Variants in KAZN observed in about 807,000 individuals in gnomAD.
KAZN encodes kazrin.
A neutral mutation model predicts 87.4 loss-of-function variants in KAZN; 40 were observed. The observed-to-expected ratio is 0.46, with a 90% confidence interval of 0.36 to 0.60. KAZN has a LOEUF of 0.60. Ranked by LOEUF, KAZN falls within the 20% of genes least tolerant of loss-of-function variation. KAZN has a pLI of 0.00. For synonymous variants in KAZN, 466 were observed against 458.3 expected (o/e 1.02, Z -0.22); for missense variants, 898 against 1,073.9 (o/e 0.84, Z 2.29).
rs371743970 is a variant in KAZN, at chr1:14,047,672, A to G, written c.92-132763A>G. ...CACTTGAGGTCAGGAGCTTGAGACC[A>G]GCCTGGCCAACATGGTGAAACCCCG... On this transcript the variant is annotated intron_variant, in intron 1 of 16. Transcript: ENST00000636203. 3.3e-5 allele frequency among the ~76,000 whole-genome samples: 5 copies of G among 152,308 alleles called. No individual in the cohort carries two copies. In the East Asian group the frequency reaches 9.7e-4, roughly 29 times the overall value.
intron 1 of KAZN, among the ~76,000 whole-genome samples, chr1:14,864,408 C>A (rs1173540366): frequency 3.3e-5 from 5 of 152,090 alleles, no homozygotes; most frequent in Non-Finnish European, 5.9e-5. Flanking sequence ...ACTAAAACTA[C>A]AAAAATTAGC....
intron 2 of KAZN, among the ~76,000 whole-genome samples, chr1:14,995,299 G>C (rs1182131248): frequency 6.6e-6 from 1 of 152,202 alleles, no homozygotes; most frequent in Non-Finnish European, 1.5e-5. Context: ...CCACATCCCG[G>C]TTCTCTTAGA....
intron 1 of KAZN, among the ~76,000 whole-genome samples, chr1:14,959,019 C>T (rs1389610115): frequency 6.6e-6 from 1 of 152,250 alleles, no homozygotes; most frequent in Non-Finnish European, 1.5e-5. Context: ...CTGGGCCTTA[C>T]AGCCAGCCTG....
chr1:13,915,485 G>A (rs1219692146), intron 1 of KAZN, among the ~76,000 whole-genome samples: 2 of 152,188 alleles, frequency 1.3e-5, no homozygotes, highest in East Asian at 1.9e-4. Flanking sequence ...GCCCATGAAC[G>A]TCATAATATG....
chr1:15,070,400 G>A (rs1639453276), intron 8 of KAZN, among the ~76,000 whole-genome samples: 1 of 152,208 alleles, frequency 6.6e-6, no homozygotes, highest in African/African-American at 2.4e-5. Context: ...TCCTCTTCCT[G>A]GCTAAGTCAG....
intron 2 of KAZN, among the ~76,000 whole-genome samples, chr1:14,505,262 C>A (rs576233745): frequency 6.6e-6 from 1 of 152,260 alleles, no homozygotes; most frequent in Non-Finnish European, 1.5e-5. Flanking sequence ...ACAAATCAAC[C>A]GTGGCCAGGA....
At chr1:13,931,149 G>C (rs1012220327) in intron 1 of KAZN, among the ~76,000 whole-genome samples, 3 of 152,206 alleles carry the variant, frequency 2.0e-5, no homozygotes, top group Non-Finnish European at 4.4e-5. Context: ...CTCTGTTCAT[G>C]CTGGAAGAAT....
intron 1 of KAZN, among the ~76,000 whole-genome samples, chr1:14,935,805 C>T (rs1252529745): frequency 6.6e-6 from 1 of 152,162 alleles, no homozygotes; most frequent in Non-Finnish European, 1.5e-5. Context: ...CTGCCTTTCA[C>T]AAGGGCCTTC....
intron 1 of KAZN, among the ~76,000 whole-genome samples, chr1:13,948,334 GT>G (rs1641220823): frequency 6.6e-6 from 1 of 152,148 alleles, no homozygotes; most frequent in South Asian, 2.1e-4. Flanking sequence ...TCCCTATGCT[GT>G]TCCCCTGATA....
At chr1:14,654,918 T>A (rs7530665) in intron 1 of KAZN, among the ~76,000 whole-genome samples, 91,743 of 152,030 alleles carry the variant, frequency 0.6, 27,919 homozygotes, top group African/African-American at 0.66. Flanking sequence ...TTAAAGCAAC[T>A]GGGGGATTCT....
intron 1 of KAZN, among the ~76,000 whole-genome samples, chr1:14,045,869 C>G (rs1365638493): frequency 6.6e-6 from 1 of 152,142 alleles, no homozygotes; most frequent in Non-Finnish European, 1.5e-5. Context: ...CCTGTACTAC[C>G]ACTACAGCTA....
Position 14,227,293 on chromosome 1 carries a change from G to A in KAZN, c.249+46701G>A, listed in dbSNP as rs1647376238. On this transcript the variant is annotated intron_variant, in intron 2 of 16. Transcript: ENST00000636203. ...ATTTTATGATGCTTTTGGATCCTAT[G>A]GGTCAGGAATTCAGAAGGAGCACAG... 2.0e-5 allele frequency among the ~76,000 whole-genome samples: 3 copies of A among 152,100 alleles called. No homozygotes were observed. In the South Asian group the frequency reaches 6.2e-4, roughly 32 times the overall value.
At chr1:14,018,079 G>A (rs1640653412) in intron 1 of KAZN, among the ~76,000 whole-genome samples, 1 of 152,118 alleles carries the variant, frequency 6.6e-6, no homozygotes, top group Admixed American at 6.5e-5. Flanking sequence ...GGAACCTGAG[G>A]CACAGAGAGA....
At chr1:14,859,206 G>A (rs1650543487) in intron 1 of KAZN, among the ~76,000 whole-genome samples, 2 of 145,604 alleles carry the variant, frequency 1.4e-5, no homozygotes. Context: ...GCGAGACCCC[G>A]TCTCAAAAAA....
At chr1:14,931,054 G>A (rs532781181) in intron 1 of KAZN, among the ~76,000 whole-genome samples, 1 of 152,176 alleles carries the variant, frequency 6.6e-6, no homozygotes, top group Non-Finnish European at 1.5e-5. Context: ...CCTCTACTAG[G>A]TGAGGAAACT....
chr1:14,183,380 G>A (rs577406347), intron 2 of KAZN, among the ~76,000 whole-genome samples: 69 of 152,214 alleles, frequency 4.5e-4, no homozygotes, highest in Non-Finnish European at 6.8e-4. Flanking sequence ...TTAGGTGTTC[G>A]TCCCCTAAAC....
chr1:14,417,997 A>AC (rs1664956482), intron 2 of KAZN, among the ~76,000 whole-genome samples: 2 of 18,436 alleles, frequency 1.1e-4, no homozygotes, highest in Non-Finnish European at 2.0e-4. Flanking sequence ...CTGCCTCAAA[A>AC]AAAAAAAAAA....
intron 1 of KAZN, among the ~76,000 whole-genome samples, chr1:13,965,764 C>G (rs1283619054): frequency 6.6e-6 from 1 of 152,152 alleles, no homozygotes; most frequent in Non-Finnish European, 1.5e-5. Context: ...TTCCACGGGG[C>G]AAAGTCTAGT....
intron 2 of KAZN, among the ~76,000 whole-genome samples, chr1:14,224,434 T>G (rs1647194099): frequency 6.6e-6 from 1 of 152,178 alleles, no homozygotes; most frequent in South Asian, 2.1e-4. Flanking sequence ...TGTTTAATGA[T>G]TATATCAAGA....
Sources: allele counts gnomAD v4.1 joint callset (sites outside exome capture counted in the v4.1 genomes callset), GRCh38; gene constraint gnomAD v4.1.1; transcripts MANE v1.5; gene names NCBI Gene and HGNC (gene_info 2026-07-23, HGNC 2026-07-21).